Variants in FADS1 observed in about 807,000 individuals in gnomAD.
FADS1 encodes fatty acid desaturase 1.
FADS1 carries 17 observed loss-of-function variants against 61.6 expected under a neutral mutation model. The observed-to-expected ratio is 0.28, with a 90% confidence interval of 0.19 to 0.41. The LOEUF (loss-of-function observed/expected upper bound fraction) is 0.41. Among genes scored for constraint, FADS1 ranks in the 10% least tolerant of loss-of-function variants. The probability of loss-of-function intolerance (pLI) is 1.00; values close to 1 mark genes in which losing one functional copy is unlikely to be tolerated. For missense variants in FADS1, 387 were observed against 650.9 expected (o/e 0.59, Z 4.41); for synonymous variants, 238 against 258.7 (o/e 0.92, Z 0.77).
At chr11:61,804,455 AAGAACCT>A in intron 7 of FADS1, 1 of 511,252 alleles carries the variant, frequency 2.0e-6, no homozygotes, top group Non-Finnish European at 3.5e-6. Flanking sequence ...TGCCCAGTAC[AAGAACCT>A]CTGGAGACAC....
In FADS1 at chr11:61,803,567, A is replaced by G; in HGVS notation, c.1151+103T>C. The G allele has an allele frequency of 7.4e-7, 1 of 1,359,414 alleles. No individual in the cohort carries two copies. Among genetic ancestry groups the G allele is most frequent in the Non-Finnish European group, 1.1e-6 (1 of 948,236 alleles). The allele number at this position is 1,359,414 out of a possible 1,614,324, so 84.2% of individuals were successfully genotyped here. On this transcript the variant is annotated intron_variant, in intron 8 of 11. Coordinates refer to ENST00000350997, the MANE Select transcript of FADS1 (RefSeq NM_013402.7). This position sits in a 1 kb window ranked among gnomAD's most constrained non-coding sequence, Gnocchi z 4.3. Reference sequence around the variant, plus strand: ...GTCTACTTTCCCAAGCCAACTCCTGAAACACCCACTGTTACCCAAAGCCCC... The same window carrying G: ...GTCTACTTTCCCAAGCCAACTCCTGGAACACCCACTGTTACCCAAAGCCCC...
rs913112963 is a variant in FADS1 at position 61,802,229 on chromosome 11, C to G, written c.*182G>C. ...CCTAGGGACTTCTGTGTCCACCCCC[C>G]ACTTTGGGTCTTAGAACTGTGGCTA... On this transcript the variant is annotated 3_prime_UTR_variant, in exon 12 of 12. Coordinates refer to ENST00000350997, the MANE Select transcript of FADS1 (RefSeq NM_013402.7). This position sits in a 1 kb window ranked among gnomAD's most constrained non-coding sequence, Gnocchi z 4.2. The G allele has an allele frequency of 9.7e-6, 6 of 616,340 alleles. No individual in the cohort carries two copies. The highest frequency in any genetic ancestry group is 5.5e-5 in the African/African-American group (3 of 54,530). The allele number at this position is 616,340 out of a possible 1,614,324, so 38.2% of individuals were successfully genotyped here. A position where few individuals can be genotyped will look rare whatever the true frequency, so the allele number is the denominator to read the frequency against.
Position 61,802,732 on chromosome 11 carries a change from A to G in FADS1, c.1454+69T>C, listed in dbSNP as rs1753943444. The stretch of plus-strand genomic sequence containing the variant: ...ACCTTCTGTTCACTCCCCACCCTAC[A>G]TGTCATCATTTCCATTGCCCTGCCC... On this transcript the variant is annotated intron_variant, in intron 11 of 11. Coordinates refer to ENST00000350997, the MANE Select transcript of FADS1 (RefSeq NM_013402.7). This position sits in a 1 kb window ranked among gnomAD's most constrained non-coding sequence, Gnocchi z 4.2. 2.5e-6 allele frequency: 4 copies of G among 1,600,982 alleles called. No individual in the cohort carries two copies. Among genetic ancestry groups the G allele is most frequent in the Non-Finnish European group, 3.4e-6 (4 of 1,170,608 alleles).
rs767101678 is a variant in FADS1 at position 61,803,445 on chromosome 11, T to C, written c.1166A>G (p.Asn389Ser). The change falls in exon 9 of 12, where the codon AAC becomes AGC. Residue 389 changes from asparagine to serine, a missense_variant. Asn to Ser is a conservative substitution (Grantham distance 46). Around this residue, in one of 2 missense-constraint regions of FADS1, gnomAD observed 257 missense variants for 533.3 expected, o/e 0.48. Transcript: ENST00000350997. This position sits in a 1 kb window ranked among gnomAD's most constrained non-coding sequence, Gnocchi z 4.3. ...CATCTGTGTCACCCACACAAACCAG[T>C]TGCTTTCCAGGAACCTGTTAGATGT... Reference protein sequence around the residue: ...LFFIVRFLESNWFVWVTQMNH... With the variant: ...LFFIVRFLESSWFVWVTQMNH... 8 of 1,614,072 alleles carry C rather than the reference T, an allele frequency of 5.0e-6. No individual in the cohort carries two copies. Among genetic ancestry groups the C allele is most frequent in the Non-Finnish European group, 6.8e-6 (8 of 1,179,904 alleles).
Position 61,802,950 on chromosome 11 carries a change from G to A in FADS1, c.1329-24C>T. On this transcript the variant is annotated intron_variant, in intron 10 of 11. Transcript: ENST00000350997. The surrounding 1 kb of genome is among the most constrained non-coding windows in gnomAD (Gnocchi z 4.2). ...GACTTTAGGGAGAACGGGGGAGTCA[G>A]TGGTTCCTGCTTCTCTGCTCCCACC... 2.5e-6 allele frequency: 4 copies of A among 1,612,912 alleles called. No homozygotes were observed. The highest frequency in any genetic ancestry group is 3.4e-6 in the Non-Finnish European group (4 of 1,179,098).
Position 61,816,298 on chromosome 11 carries a change from G to A in FADS1, c.375+257C>T. The A allele has an allele frequency of 6.3e-7, 1 of 1,598,360 alleles. No individual in the cohort carries two copies. The highest frequency in any genetic ancestry group is 1.3e-5 in the African/African-American group (1 of 75,018). ...GGCTGCAGATGGAATGCACGGCAGG[G>A]AGGCGGGACCCTTTGTTTGTGTGTG... On this transcript the variant is annotated intron_variant, in intron 1 of 11. Transcript: ENST00000350997. This position sits in a 1 kb window ranked among gnomAD's most constrained non-coding sequence, Gnocchi z 7.0.
chr11:61,816,522 C>T lies in FADS1; in HGVS notation c.375+33G>A, dbSNP rs1156453713. On this transcript the variant is annotated intron_variant, in intron 1 of 11. Transcript: ENST00000350997. The surrounding 1 kb of genome is among the most constrained non-coding windows in gnomAD (Gnocchi z 7.0). ...CCCCTGCACTCAGCCTCCGGTCCCG[C>T]CCTCTCCTGTGCCCCCGCCTGGCTG... is the stretch of plus-strand genomic sequence containing the variant. 2 of 1,597,242 alleles carry T rather than the reference C, an allele frequency of 1.3e-6. No individual in the cohort carries two copies. The highest frequency in any genetic ancestry group is 8.5e-7 in the Non-Finnish European group (1 of 1,173,964).
Position 61,800,358 on chromosome 11 carries a change from C to T in FADS1, c.*2053G>A, listed in dbSNP as rs1408527050. ...TACAGGCATGAGCCACTGCATCCAG[C>T]TTGCTTCTAATTTTCCTACCCAGGC... On this transcript the variant is annotated 3_prime_UTR_variant, in exon 12 of 12. Transcript: ENST00000350997. 1 of 152,346 alleles carries T rather than the reference C, an allele frequency of 6.6e-6. No individual in the cohort carries two copies. The highest frequency in any genetic ancestry group is 1.5e-5 in the Non-Finnish European group (1 of 68,050). The allele number at this position is 152,346 out of a possible 1,614,324, so 9.4% of individuals were successfully genotyped here. A position where few individuals can be genotyped will look rare whatever the true frequency, so the allele number is the denominator to read the frequency against.
rs779303306 is a variant in FADS1, at chr11:61,810,740, C to T, written c.915+11G>A. On this transcript the variant is annotated intron_variant, in intron 5 of 11. Coordinates refer to ENST00000350997, the MANE Select transcript of FADS1 (RefSeq NM_013402.7). ...ATTCCCCAAGACCTTTCCACTGATACCTCCACGCACCTCCACAGAGAGGAT... is the reference window on the plus strand; with the variant it reads ...ATTCCCCAAGACCTTTCCACTGATATCTCCACGCACCTCCACAGAGAGGAT... The T allele has an allele frequency of 6.2e-7, 1 of 1,614,032 alleles. No homozygotes were observed.
rs201684949 is a variant in FADS1 at position 61,810,899 on chromosome 11, C to T, written c.787-20G>A. 26 of 1,614,126 alleles carry T rather than the reference C, an allele frequency of 1.6e-5. No individual in the cohort carries two copies. The East Asian group carries it at 3.6e-4, about 22-fold the overall frequency. On this transcript the variant is annotated intron_variant, in intron 4 of 11. Transcript: ENST00000350997. ...GGCCCCCTACAGAAAAGCAGGGACA[C>T]GAGTATGAAAAGCTTCCCCCAAGGC...
rs1383218932 is a variant in FADS1, at chr11:61,816,963, C to G, written c.-34G>C. 7.3e-7 allele frequency: 1 copy of G among 1,371,988 alleles called. No individual in the cohort carries two copies. Among genetic ancestry groups the G allele is most frequent in the Non-Finnish European group, 9.3e-7 (1 of 1,070,886 alleles). The allele number at this position is 1,371,988 out of a possible 1,614,324, so 85.0% of individuals were successfully genotyped here. On this transcript the variant is annotated 5_prime_UTR_variant, in exon 1 of 12. Transcript: ENST00000350997. The surrounding 1 kb of genome is among the most constrained non-coding windows in gnomAD (Gnocchi z 7.0). ...CCTCGTGGCGCGGGGAGCGAGATCC[C>G]GTCCCCCGGTGGGTCTTGGGCAACT...
rs1176392921 is a variant in FADS1 at position 61,815,664 on chromosome 11, C to A, written c.375+891G>T. ...AGGACTCCAACCCAGCAGAGAGGCG[C>A]CGGGGCCTTAGCTCTGAGGGCTGTG... On this transcript the variant is annotated intron_variant, in intron 1 of 11. Coordinates refer to ENST00000350997, the MANE Select transcript of FADS1 (RefSeq NM_013402.7). This position sits in a 1 kb window ranked among gnomAD's most constrained non-coding sequence, Gnocchi z 6.4. 2 of 153,334 alleles carry A rather than the reference C, an allele frequency of 1.3e-5. No individual in the cohort carries two copies. Among genetic ancestry groups the A allele is most frequent in the Admixed American group, 1.3e-4 (2 of 15,492 alleles). The allele number at this position is 153,334 out of a possible 1,614,324, so 9.5% of individuals were successfully genotyped here. A position where few individuals can be genotyped will look rare whatever the true frequency, so the allele number is the denominator to read the frequency against.
intron 3 of FADS1, chr11:61,811,779 G>A (rs1224356112): frequency 2.7e-6 from 1 of 375,122 alleles, no homozygotes; most frequent in South Asian, 1.9e-5. Context: ...AATAGAGACG[G>A]GGTTTCACCA....
chr11:61,800,499 C>G lies in FADS1; in HGVS notation c.*1912G>C, dbSNP rs1393675115. 1 of 152,368 alleles carries G rather than the reference C, an allele frequency of 6.6e-6. No individual in the cohort carries two copies. Among genetic ancestry groups the G allele is most frequent in the East Asian group, 1.9e-4 (1 of 5,344 alleles). 9.4% of individuals were successfully genotyped at this position (152,368 alleles called of 1,614,324 possible). ...TTGACAAACCTCTAATCTTCCATGT[C>G]TTTGTGTTGACAAACCTAACCTTCC... is the stretch of plus-strand genomic sequence containing the variant. On this transcript the variant is annotated 3_prime_UTR_variant, in exon 12 of 12. Transcript: ENST00000350997.
In FADS1 at chr11:61,812,651, C is replaced by T. The variant is rs1321221340; in HGVS notation, c.504G>A (p.Glu168=). The T allele has an allele frequency of 1.9e-6, 3 of 1,614,118 alleles. No individual in the cohort carries two copies. Among genetic ancestry groups the T allele is most frequent in the Middle Eastern group, 1.6e-4 (1 of 6,062 alleles). ...EPTKNKELTD[E]FRELRATVER... ...CCACTGTGGCCCGCAGCTCCCGGAA[C>T]TCATCTGTCAGCTCTTTCTGCAGAA... The change falls in exon 3 of 12, where the codon GAG becomes GAA. Residue 168 remains glutamate (E), a synonymous_variant. Coordinates refer to ENST00000350997, the MANE Select transcript of FADS1 (RefSeq NM_013402.7).
intron 5 of FADS1, 160 bp downstream of exon 5, chr11:61,810,591 A>G (rs2066924620): frequency 1.2e-6 from 1 of 816,716 alleles, no homozygotes; most frequent in Non-Finnish European, 2.0e-6. Flanking sequence ...GCCCCCATCT[A>G]TTGCCTGTTG....
In FADS1 at chr11:61,800,544, C is replaced by T. The variant is rs1161117674; in HGVS notation, c.*1867G>A. On this transcript the variant is annotated 3_prime_UTR_variant, in exon 12 of 12. Coordinates refer to ENST00000350997, the MANE Select transcript of FADS1 (RefSeq NM_013402.7). Reference sequence around the variant, plus strand: ...CCTTCCATGTCTTTTTGTTGACAAACCTCTAACCTTCCATGTCTTTGTGTT... The same window carrying T: ...CCTTCCATGTCTTTTTGTTGACAAATCTCTAACCTTCCATGTCTTTGTGTT... 1.3e-5 allele frequency: 2 copies of T among 152,344 alleles called. No individual in the cohort carries two copies. The highest frequency in any genetic ancestry group is 4.8e-5 in the African/African-American group (2 of 41,420). The allele number at this position is 152,344 out of a possible 1,614,324, so 9.4% of individuals were successfully genotyped here. A position where few individuals can be genotyped will look rare whatever the true frequency, so the allele number is the denominator to read the frequency against.
Position 61,801,003 on chromosome 11 carries a change from T to C in FADS1, c.*1408A>G, listed in dbSNP as rs530324730. The C allele has an allele frequency of 1.3e-5, 2 of 152,520 alleles. No homozygotes were observed. Among genetic ancestry groups the C allele is most frequent in the East Asian group, 1.9e-4 (1 of 5,330 alleles). The allele number at this position is 152,520 out of a possible 1,614,324, so 9.4% of individuals were successfully genotyped here. A position where few individuals can be genotyped will look rare whatever the true frequency, so the allele number is the denominator to read the frequency against. ...TTTGGTTTCCAGAAGAGTTAGATACTTGAACAAGAGTGGACAGAGTAAGAT... is the reference window on the plus strand; with the variant it reads ...TTTGGTTTCCAGAAGAGTTAGATACCTGAACAAGAGTGGACAGAGTAAGAT... On this transcript the variant is annotated 3_prime_UTR_variant, in exon 12 of 12. Transcript: ENST00000350997.
chr11:61,808,852 G>A (rs750515049), intron 5 of FADS1, among the ~76,000 whole-genome samples: 9 of 152,162 alleles, frequency 5.9e-5, no homozygotes, highest in East Asian at 1.9e-4. Context: ...GTCTGGACTC[G>A]CTCCAGCCGC....
Sources: gnomAD v4.1 joint callset for allele counts (sites outside exome capture counted in the v4.1 genomes callset) on GRCh38, gnomAD v4.1.1 for gene constraint, gnomAD v4.1.1 regional missense constraint, Gnocchi (gnomAD v3.1) non-coding constraint, MANE v1.5 for transcripts, NCBI Gene and HGNC (gene_info 2026-07-23, HGNC 2026-07-21) for gene names.